Variants in UTRN observed in about 807,000 individuals in gnomAD.
The protein encoded by UTRN is utrophin, also known as dystrophin-related protein 1.
UTRN carries 283 observed loss-of-function variants against 463.9 expected under a neutral mutation model. The ratio of observed to expected loss-of-function variants is 0.61; its 90% CI spans 0.55 to 0.67. The LOEUF is 0.67. Ranked by LOEUF, UTRN falls within the 30% of genes least tolerant of loss-of-function variation. UTRN has a pLI of 0.00. For missense variants in UTRN, 3,922 were observed against 4,084.3 expected (o/e 0.96, Z 1.08); for synonymous variants, 1,442 against 1,431.5 (o/e 1.01, Z -0.17).
In UTRN at chr6:144,338,350, G is replaced by A. The variant is rs75808133; in HGVS notation, c.79+46443G>A. On this transcript the variant is annotated intron_variant, in intron 2 of 74. Transcript: ENST00000367545. ...CACAAATGGGTTAAAAAAAAAACCC[G>A]ACATGCTCTTTGATTATTGGATAAG... is the stretch of plus-strand genomic sequence containing the variant. Among the ~76,000 whole-genome samples, 1,248 of 152,062 alleles carry A rather than the reference G, an allele frequency of 8.2e-3. 19 individuals carry two copies. The highest frequency in any genetic ancestry group is 0.029 in the African/African-American group (1,182 of 41,468).
chr6:144,836,379 G>T lies in UTRN; in HGVS notation c.9903G>T (p.Ser3301=). Residue 3301 remains serine, a synonymous_variant, in exon 71 of 75, where the codon TCG becomes TCT. Transcript: ENST00000367545. The stretch of plus-strand genomic sequence containing the variant: ...TCCCTGTCGGTTCACCGCCAGAGTC[G>T]ATTATATCTCCCCATCACACGTCTG... ...RGLPVGSPPE[S]IISPHHTSED... is the part of the protein sequence containing the mutation. 3 of 1,614,080 alleles carry T rather than the reference G, an allele frequency of 1.9e-6. No homozygotes were observed. The highest frequency in any genetic ancestry group is 2.5e-6 in the Non-Finnish European group (3 of 1,179,990).
intron 65 of UTRN, among the ~76,000 whole-genome samples, chr6:144,814,294 A>T (rs1778887779): frequency 6.6e-6 from 1 of 152,152 alleles, no homozygotes; most frequent in Non-Finnish European, 1.5e-5. Flanking sequence ...CCCAGGAAGC[A>T]GACTCACTGG....
In UTRN at chr6:144,362,779, G is replaced by A. The variant is rs114306101; in HGVS notation, c.80-40344G>A. On this transcript the variant is annotated intron_variant, in intron 2 of 74. Transcript: ENST00000367545. ...GTGATGTGAAAGTTGATTTCCACGC[G>A]ATGCAATATCTTGGGTCCTTACAAC... is the stretch of plus-strand genomic sequence containing the variant. Among the ~76,000 whole-genome samples, 717 of 152,280 alleles carry A rather than the reference G, an allele frequency of 4.7e-3. 5 individuals carry two copies. Among genetic ancestry groups the A allele is most frequent in the African/African-American group, 0.016 (674 of 41,538 alleles).
chr6:144,330,799 A>G (rs1584306891), intron 2 of UTRN: 2 of 983,806 alleles, frequency 2.0e-6, no homozygotes, highest in African/African-American at 3.5e-5. Context: ...TTGGGGAGGA[A>G]CTCATCTATC....
intron 2 of UTRN, among the ~76,000 whole-genome samples, chr6:144,292,181 T>A (rs1804305354): frequency 6.6e-6 from 1 of 152,200 alleles, no homozygotes; most frequent in South Asian, 2.1e-4. Context: ...TCCATTAAAA[T>A]AAAATACGAC....
At chr6:144,802,477 A>G (rs1243531016) in intron 64 of UTRN, among the ~76,000 whole-genome samples, 1 of 152,120 alleles carries the variant, frequency 6.6e-6, no homozygotes, top group Non-Finnish European at 1.5e-5. Flanking sequence ...GATGTTTTCC[A>G]CTCAGACCCA....
chr6:144,350,927 G>A (rs1046588735), intron 2 of UTRN, among the ~76,000 whole-genome samples: 1 of 152,096 alleles, frequency 6.6e-6, no homozygotes, highest in Admixed American at 6.6e-5. Context: ...TGGCTGATAT[G>A]GAAGACGTCA....
Position 144,286,138 on chromosome 6 carries a change from C to CTCT in UTRN, c.-93+319_-93+320insTTC, listed in dbSNP as rs2114496460. On this transcript the variant is annotated intron_variant, in intron 1 of 74. Transcript: ENST00000367545. This position sits in a 1 kb window ranked among gnomAD's most constrained non-coding sequence, Gnocchi z 4.4. ...TGACCAGCTCTGTGCTGCCTCCCTG[C>CTCT]TCCCCTAATCTTCCTCCCCGCCGGG... is the stretch of plus-strand genomic sequence containing the variant. Among the ~76,000 whole-genome samples the CTCT allele has an allele frequency of 1.3e-5, 2 of 152,352 alleles. No individual in the cohort carries two copies. Among genetic ancestry groups the CTCT allele is most frequent in the East Asian group, 3.9e-4 (2 of 5,176 alleles).
intron 54 of UTRN, among the ~76,000 whole-genome samples, chr6:144,731,042 T>C (rs1788461733): frequency 6.6e-6 from 1 of 150,886 alleles, no homozygotes; most frequent in African/African-American, 2.4e-5. Context: ...ATATTTCTTA[T>C]ATTTAAACAT....
At chr6:144,592,840 G>T (rs1351757222) in intron 51 of UTRN, among the ~76,000 whole-genome samples, 1 of 152,178 alleles carries the variant, frequency 6.6e-6, no homozygotes, top group African/African-American at 2.4e-5. Context: ...CCCTGTTATA[G>T]AATATAAACG....
At chr6:144,356,566 A>G (rs73592855) in intron 2 of UTRN, among the ~76,000 whole-genome samples, 8,050 of 152,280 alleles carry the variant, frequency 0.053, 690 homozygotes, top group African/African-American at 0.18. Context: ...TAGCCCCAGC[A>G]CTTTGGGACG....
intron 51 of UTRN, among the ~76,000 whole-genome samples, chr6:144,623,443 A>T (rs986633533): frequency 6.6e-6 from 1 of 152,224 alleles, no homozygotes; most frequent in Non-Finnish European, 1.5e-5. Context: ...AAATGACTTT[A>T]AATGATTCTA....
intron 51 of UTRN, among the ~76,000 whole-genome samples, chr6:144,625,671 T>C (rs1775869179): frequency 2.0e-5 from 3 of 152,234 alleles, no homozygotes; most frequent in South Asian, 2.1e-4. Flanking sequence ...CAAATACTTA[T>C]GAATTGATTT....
At chr6:144,772,697 A>C (rs1794209831) in intron 59 of UTRN, among the ~76,000 whole-genome samples, 1 of 152,244 alleles carries the variant, frequency 6.6e-6, no homozygotes, top group Non-Finnish European at 1.5e-5. Flanking sequence ...CACCTAGTTT[A>C]AATTTGTCTA....
At chr6:144,719,438 G>A (rs1231038408) in intron 53 of UTRN, among the ~76,000 whole-genome samples, 2 of 152,054 alleles carry the variant, frequency 1.3e-5, no homozygotes, top group African/African-American at 2.4e-5. Context: ...TTATCTGGGC[G>A]TGGTGACACC....
At chr6:144,498,801 C>T (rs1793906485) in intron 33 of UTRN, among the ~76,000 whole-genome samples, 4 of 151,964 alleles carry the variant, frequency 2.6e-5, no homozygotes, top group Admixed American at 6.6e-5. Flanking sequence ...ACTACGAGCA[C>T]GCACCACCAT....
At chr6:144,731,919 T>C (rs1444212672) in intron 54 of UTRN, among the ~76,000 whole-genome samples, 4 of 151,956 alleles carry the variant, frequency 2.6e-5, no homozygotes, top group African/African-American at 7.3e-5. Flanking sequence ...TGGAGTGTAG[T>C]GGTGCGATCT....
chr6:144,463,041 T>C (rs1789578608), intron 23 of UTRN, among the ~76,000 whole-genome samples, 175 bp downstream of exon 23: 1 of 152,234 alleles, frequency 6.6e-6, no homozygotes, highest in South Asian at 2.1e-4. Context: ...AGAGCACATT[T>C]ATTTCCTTTT....
intron 2 of UTRN, among the ~76,000 whole-genome samples, chr6:144,331,551 T>C (rs1211736561): frequency 6.6e-6 from 1 of 152,178 alleles, no homozygotes; most frequent in Non-Finnish European, 1.5e-5. Flanking sequence ...AATTGAGTAG[T>C]TAATTAGTGC....
Sources: allele counts gnomAD v4.1 joint callset (sites outside exome capture counted in the v4.1 genomes callset), GRCh38; gene constraint gnomAD v4.1.1; non-coding constraint Gnocchi (gnomAD v3.1); transcripts MANE v1.5; gene names NCBI Gene and HGNC (gene_info 2026-07-23, HGNC 2026-07-21).